The following ZC3H3 variants were observed in gnomAD, a reference collection of about 807,000 sequenced individuals.
The protein encoded by ZC3H3 is zinc finger CCCH-type containing 3.
ZC3H3 carries 36 observed loss-of-function variants against 77.3 expected under a neutral mutation model. The ratio of observed to expected loss-of-function variants is 0.47; its 90% CI spans 0.36 to 0.61. ZC3H3 has a LOEUF of 0.61. Among genes scored for constraint, ZC3H3 ranks in the 20% least tolerant of loss-of-function variants. The probability of loss-of-function intolerance (pLI) is 0.00; values close to 1 mark genes in which losing one functional copy is unlikely to be tolerated. For missense variants in ZC3H3, 1,331 were observed against 1,312.2 expected (o/e 1.01, Z -0.22); for synonymous variants, 626 against 555.2 (o/e 1.13, Z -1.79).
chr8:143,454,662 C>T (rs1372226721), intron 9 of ZC3H3, among the ~76,000 whole-genome samples: 4 of 151,404 alleles, frequency 2.6e-5, no homozygotes, highest in Admixed American at 2.0e-4. Flanking sequence ...CCACCTGCCT[C>T]GGCCTCCCAA....
rs543356479 is a variant in ZC3H3 at position 143,475,433 on chromosome 8, G to A, written c.1868C>T (p.Pro623Leu). The A allele has an allele frequency of 5.0e-6, 8 of 1,613,164 alleles. No homozygotes were observed. The South Asian group carries it at 5.5e-5, about 11-fold the overall frequency. ...ANKLSKTSGQ[P>L]SDAGSRPLLR... ...GAGGGGCCTGCTGCCCGCATCACTG[G>A]GCTGGCCGGAGGTCTTGGAGAGCTT... is the stretch of plus-strand genomic sequence containing the variant. The change falls in exon 5 of 12, where the codon CCC becomes CTC. Residue 623 changes from proline to leucine, a missense_variant. Transcript: ENST00000262577.
At position 143,530,641 on chromosome 8, in the gene ZC3H3, C is replaced by T. The variant is rs182046609; in HGVS notation, c.1561+5616G>A. On this transcript the variant is annotated intron_variant, in intron 3 of 11. Transcript: ENST00000262577. This position sits in a 1 kb window ranked among gnomAD's most constrained non-coding sequence, Gnocchi z 4.3. ...GTCATGCCTGTCATCTCAGGGTGGCCGAGCACAGCGACGGGCCCCAGGAGG... is the reference window on the plus strand; with the variant it reads ...GTCATGCCTGTCATCTCAGGGTGGCTGAGCACAGCGACGGGCCCCAGGAGG... Among the ~76,000 whole-genome samples the T allele has an allele frequency of 1.3e-5, 2 of 152,160 alleles. No individual in the cohort carries two copies. The highest frequency in any genetic ancestry group is 1.9e-4 in the East Asian group (1 of 5,174).
At chr8:143,520,100 G>A (rs1243525315) in intron 3 of ZC3H3, among the ~76,000 whole-genome samples, 1 of 152,240 alleles carries the variant, frequency 6.6e-6, no homozygotes, top group African/African-American at 2.4e-5. Context: ...CCTGGCAGAA[G>A]GCAGGAGCGG....
At chr8:143,521,102 C>T (rs1822228097) in intron 3 of ZC3H3, among the ~76,000 whole-genome samples, 1 of 152,288 alleles carries the variant, frequency 6.6e-6, no homozygotes, top group Admixed American at 6.5e-5. Flanking sequence ...GGCCCCGCCA[C>T]AGCCCCTGCC....
intron 1 of ZC3H3, among the ~76,000 whole-genome samples, chr8:143,541,124 T>C (rs1236002239): frequency 6.6e-6 from 1 of 152,110 alleles, no homozygotes; most frequent in Non-Finnish European, 1.5e-5. Context: ...CGCGGGTTAC[T>C]AAGCGACGGC....
At chr8:143,492,787 C>T (rs1166997289) in intron 4 of ZC3H3, among the ~76,000 whole-genome samples, 1 of 117,542 alleles carries the variant, frequency 8.5e-6, no homozygotes, top group Non-Finnish European at 1.8e-5. Context: ...GTCCCGTGTC[C>T]TGGCCCAGGG....
intron 3 of ZC3H3, among the ~76,000 whole-genome samples, chr8:143,519,823 A>G (rs1313531070): frequency 6.6e-6 from 1 of 152,208 alleles, no homozygotes; most frequent in East Asian, 1.9e-4. Flanking sequence ...CAAAGGCTGC[A>G]CTGCAGGGGA....
chr8:143,499,660 G>C (rs954223347), intron 4 of ZC3H3, among the ~76,000 whole-genome samples: 1 of 151,824 alleles, frequency 6.6e-6, no homozygotes, highest in Non-Finnish European at 1.5e-5. Context: ...GCCTCTCCAG[G>C]CTCTTTGTGT....
At chr8:143,470,459 G>A (rs1366986636) in intron 5 of ZC3H3, among the ~76,000 whole-genome samples, 1 of 152,204 alleles carries the variant, frequency 6.6e-6, no homozygotes, top group Non-Finnish European at 1.5e-5. Context: ...TTCTCAGGCC[G>A]GGACCCTTGT....
chr8:143,536,167 G>A, intron 3 of ZC3H3, 90 bp downstream of exon 3: 1 of 1,436,256 alleles, frequency 7.0e-7, no homozygotes, highest in Non-Finnish European at 9.3e-7. Context: ...CCAGCATGAG[G>A]CAGGGAAGGT....
At chr8:143,441,147 TG>T in intron 9 of ZC3H3, 27 bp from the exon 10 acceptor site, 1 of 1,383,740 alleles carries the variant, frequency 7.2e-7, no homozygotes, top group Non-Finnish European at 9.3e-7. Context: ...TGCAGGTGGG[TG>T]GGCCGGCTGG....
At chr8:143,463,662 A>G (rs1820328197) in intron 9 of ZC3H3, among the ~76,000 whole-genome samples, 1 of 152,232 alleles carries the variant, frequency 6.6e-6, no homozygotes, top group Non-Finnish European at 1.5e-5. Flanking sequence ...TCCCTTTGAC[A>G]AGGATGGAGC....
chr8:143,518,947 T>C (rs1347715484), intron 3 of ZC3H3, among the ~76,000 whole-genome samples: 2 of 152,182 alleles, frequency 1.3e-5, no homozygotes, highest in Non-Finnish European at 2.9e-5. Flanking sequence ...TCCCCTCTCC[T>C]CTGGATCCTC....
intron 3 of ZC3H3, among the ~76,000 whole-genome samples, chr8:143,516,572 C>G (rs540873167): frequency 6.7e-6 from 1 of 148,518 alleles, no homozygotes; most frequent in Non-Finnish European, 1.5e-5. Context: ...CACACATACA[C>G]ACACACACTC....
chr8:143,502,582 G>GA (rs1263318095), intron 4 of ZC3H3, among the ~76,000 whole-genome samples: 3 of 152,248 alleles, frequency 2.0e-5, no homozygotes, highest in Non-Finnish European at 4.4e-5. Flanking sequence ...TAGTCAGATG[G>GA]AAAAGCCTCC....
chr8:143,449,962 T>A (rs1819948778), intron 9 of ZC3H3, among the ~76,000 whole-genome samples: 1 of 152,178 alleles, frequency 6.6e-6, no homozygotes, highest in Non-Finnish European at 1.5e-5. Context: ...ACTCTGAGCA[T>A]TTGGTCACAA....
At chr8:143,537,919 C>G in intron 2 of ZC3H3, 84 bp downstream of exon 2, 1 of 1,328,032 alleles carries the variant, frequency 7.5e-7, no homozygotes, top group Non-Finnish European at 1.0e-6. Context: ...GGCAAAGCTC[C>G]GAGCTCAGCA....
chr8:143,485,229 T>C (rs762046228), intron 4 of ZC3H3, among the ~76,000 whole-genome samples: 30 of 152,218 alleles, frequency 2.0e-4, no homozygotes, highest in Middle Eastern at 3.4e-3. Flanking sequence ...GAAGTGTTTG[T>C]TGTGTGTGTG....
At chr8:143,507,130 CCA>C (rs1286531275) in intron 4 of ZC3H3, among the ~76,000 whole-genome samples, 6 of 152,236 alleles carry the variant, frequency 3.9e-5, no homozygotes, top group Non-Finnish European at 7.3e-5. Context: ...CTCCTGAGGC[CCA>C]GAGGCTGAGC....
Sources: allele counts gnomAD v4.1 joint callset (sites outside exome capture counted in the v4.1 genomes callset), GRCh38; gene constraint gnomAD v4.1.1; non-coding constraint Gnocchi (gnomAD v3.1); transcripts MANE v1.5; gene names NCBI Gene and HGNC (gene_info 2026-07-23, HGNC 2026-07-21).